The following PGCKA1 variants were observed in gnomAD, a reference collection of about 807,000 sequenced individuals.
PGCKA1 encodes PDCD10 and GCKIII kinases associated 1.
the PGCKA1 span, among the ~76,000 whole-genome samples, chr4:37,554,453 A>G: frequency 6.6e-6 from 1 of 152,198 alleles, no homozygotes; most frequent in Admixed American, 6.5e-5. Flanking sequence ...GGTTCAAGCA[A>G]TTCTGCTCCT....
chr4:37,499,918 CTTTTTT>C, the PGCKA1 span, among the ~76,000 whole-genome samples: 1 of 79,258 alleles, frequency 1.3e-5, no homozygotes, highest in African/African-American at 5.5e-5. Context: ...GTCTTCCTAA[CTTTTTT>C]TTTTTTTTTT....
At chr4:37,532,411 C>G in the PGCKA1 span, among the ~76,000 whole-genome samples, 2 of 152,120 alleles carry the variant, frequency 1.3e-5, no homozygotes, top group African/African-American at 2.4e-5. Context: ...GGAACTATAC[C>G]TGCTCATCAG....
the PGCKA1 span, among the ~76,000 whole-genome samples, chr4:37,488,523 C>T: frequency 6.6e-6 from 1 of 152,320 alleles, no homozygotes; most frequent in Non-Finnish European, 1.5e-5. Context: ...GGCTTGCCAA[C>T]AGAAGCAGCA....
chr4:37,533,969 G>A, the PGCKA1 span, among the ~76,000 whole-genome samples: 1 of 152,122 alleles, frequency 6.6e-6, no homozygotes. Context: ...ATTTTACCTA[G>A]TTCATTGTAA....
chr4:37,477,708 A>AGATGGAATCTCCAAAGTAGATGGAAT, the PGCKA1 span, among the ~76,000 whole-genome samples: 2 of 152,284 alleles, frequency 1.3e-5, no homozygotes, highest in East Asian at 3.9e-4. Context: ...CTAGGCTTTG[A>AGATGGAATCTCCAAAGTAGATGGAAT]CTTCCCAGTA....
chr4:37,534,489 T>G, the PGCKA1 span, among the ~76,000 whole-genome samples: 9 of 152,250 alleles, frequency 5.9e-5, no homozygotes, highest in African/African-American at 2.2e-4. Flanking sequence ...TGCTTGCTAC[T>G]GGGTTAAACA....
chr4:37,591,048 C>T, the PGCKA1 span: 7 of 1,506,996 alleles, frequency 4.6e-6, no homozygotes, highest in East Asian at 1.6e-4. Flanking sequence ...GCTGAGCATG[C>T]AGATGCATTT....
the PGCKA1 span, among the ~76,000 whole-genome samples, chr4:37,507,708 G>A: frequency 0.94 from 143,318 of 152,194 alleles, 67,545 homozygotes; most frequent in South Asian, 0.99. Flanking sequence ...AACATAGTTT[G>A]TACACCACAG....
chr4:37,592,250 C>T, the PGCKA1 span, among the ~76,000 whole-genome samples: 1 of 147,736 alleles, frequency 6.8e-6, no homozygotes, highest in Non-Finnish European at 1.5e-5. Context: ...GGCACAGTGG[C>T]TCATGTCTGT....
At chr4:37,535,662 G>C in the PGCKA1 span, among the ~76,000 whole-genome samples, 2 of 152,200 alleles carry the variant, frequency 1.3e-5, no homozygotes, top group Non-Finnish European at 2.9e-5. Flanking sequence ...GTAAAGAACT[G>C]AAAATCGCTA....
the PGCKA1 span, among the ~76,000 whole-genome samples, chr4:37,495,227 G>A: frequency 6.2e-4 from 94 of 152,128 alleles, no homozygotes; most frequent in African/African-American, 1.9e-3. Flanking sequence ...AAAAAGTCAG[G>A]AAATAACAGA....
At chr4:37,466,998 C>G in the PGCKA1 span, among the ~76,000 whole-genome samples, 2 of 151,860 alleles carry the variant, frequency 1.3e-5, no homozygotes, top group Admixed American at 1.3e-4. Context: ...CTTGGGAGGC[C>G]GAGGCAGGAG....
chr4:37,550,778 G>C, the PGCKA1 span, among the ~76,000 whole-genome samples: 4 of 152,120 alleles, frequency 2.6e-5, no homozygotes, highest in African/African-American at 9.7e-5. Context: ...AAGTCACTTC[G>C]TGTTATGTTT....
chr4:37,460,206 A>G, the PGCKA1 span, among the ~76,000 whole-genome samples: 3 of 152,120 alleles, frequency 2.0e-5, no homozygotes, highest in African/African-American at 7.2e-5. Flanking sequence ...TGTGGTGTAT[A>G]TGTGCCACAT....
At chr4:37,497,375 G>C in the PGCKA1 span, among the ~76,000 whole-genome samples, 1 of 152,256 alleles carries the variant, frequency 6.6e-6, no homozygotes, top group African/African-American at 2.4e-5. Context: ...TTGCAATTGT[G>C]AATTGTGTTG....
chr4:37,464,512 G>C, the PGCKA1 span, among the ~76,000 whole-genome samples: 1 of 152,162 alleles, frequency 6.6e-6, no homozygotes, highest in Non-Finnish European at 1.5e-5. Context: ...CTGAGTCTCA[G>C]CCTCTATGGC....
At chr4:37,477,336 A>G in the PGCKA1 span, among the ~76,000 whole-genome samples, 1 of 152,198 alleles carries the variant, frequency 6.6e-6, no homozygotes, top group African/African-American at 2.4e-5. Flanking sequence ...ATGCAAGGTC[A>G]AGATTAGTCA....
chr4:37,503,033 C>G, the PGCKA1 span, among the ~76,000 whole-genome samples: 1 of 152,132 alleles, frequency 6.6e-6, no homozygotes. Context: ...ATGGGCGTCC[C>G]TGGCCATACT....
the PGCKA1 span, among the ~76,000 whole-genome samples, chr4:37,529,689 G>T: frequency 1.7e-3 from 258 of 152,280 alleles, no homozygotes; most frequent in Middle Eastern, 3.4e-3. Context: ...AGTTCAGCCT[G>T]CTACCTGCTC....
Sources: gnomAD v4.1 joint callset for allele counts (sites outside exome capture counted in the v4.1 genomes callset) on GRCh38, gnomAD v4.1.1 for gene constraint, MANE v1.5 for transcripts, NCBI Gene and HGNC (gene_info 2026-07-23, HGNC 2026-07-21) for gene names.